TDRD7: variants seen among roughly 807,000 people sequenced by gnomAD.
TDRD7 encodes tudor domain containing 7, also known as tudor domain-containing protein 7.
Under a neutral mutation model 109.8 loss-of-function variants are expected in TDRD7, and 47 were observed. The observed-to-expected ratio is 0.43, with a 90% CI of 0.34 to 0.55. TDRD7 has a LOEUF of 0.55. Ranked by LOEUF, TDRD7 falls within the 20% of genes least tolerant of loss-of-function variation. The probability of loss-of-function intolerance (pLI) is 0.03; values close to 1 mark genes in which losing one functional copy is unlikely to be tolerated. For missense variants in TDRD7, 1,164 were observed against 1,319.2 expected, an observed-to-expected ratio of 0.88 and a Z score of 1.82; for synonymous variants, 424 against 457.3, an observed-to-expected ratio of 0.93 and a Z score of 0.93.
Position 97,460,581 on chromosome 9 carries a change from C to T in TDRD7, c.1259C>T (p.Ala420Val). ...TDKIQKDAGQ[A>V]HGDNDIKAMV... ...AAAATCCAAAAGGATGCAGGGCAAGCACATGGTGATAATGATATCAAGGCT... is the reference window on the plus strand; with the variant it reads ...AAAATCCAAAAGGATGCAGGGCAAGTACATGGTGATAATGATATCAAGGCT... Residue 420 changes from alanine to valine, a missense_variant, in exon 7 of 17, where the codon GCA becomes GTA. By Grantham distance (64) the Ala-to-Val change is moderately conservative. Around this residue, in one of 5 missense-constraint regions of TDRD7, gnomAD observed 407 missense variants for 394.0 expected, o/e 1.03. Transcript: ENST00000355295. 1 of 1,614,170 alleles carries T rather than the reference C, an allele frequency of 6.2e-7. No homozygotes were observed. Among genetic ancestry groups the T allele is most frequent in the East Asian group, 2.2e-5 (1 of 44,872 alleles).
At chr9:97,422,246 T>C (rs371461755) in intron 1 of TDRD7, among the ~76,000 whole-genome samples, 25 of 152,078 alleles carry the variant, frequency 1.6e-4, no homozygotes, top group African/African-American at 5.8e-4. Flanking sequence ...TACAAAAAAA[T>C]TAGCCAGGCA....
intron 7 of TDRD7, among the ~76,000 whole-genome samples, chr9:97,462,175 C>G (rs1469459934): frequency 6.6e-6 from 1 of 152,220 alleles, no homozygotes; most frequent in Non-Finnish European, 1.5e-5. Flanking sequence ...TATAAAGAAA[C>G]TTACACGGCA....
chr9:97,482,960 T>C lies in TDRD7; in HGVS notation c.2524T>C (p.Trp842Arg), dbSNP rs1274740363. ...TCGCCAGATTACAAATGCAGACTTG[T>C]GGAAGCATCAGAAGGATGTGTTTTT... ...INRQITNADLWKHQKDVFLSA... is the reference protein window; with the variant it reads ...INRQITNADLRKHQKDVFLSA... The change falls in exon 15 of 17, where the codon TGG (tryptophan) becomes CGG (arginine). Residue 842 changes from tryptophan (W) to arginine (R), a missense_variant. Physicochemically the swap from Trp to Arg is moderately radical, Grantham distance 101. Coordinates refer to ENST00000355295, the MANE Select transcript of TDRD7 (RefSeq NM_014290.3). 2.5e-6 allele frequency: 4 copies of C among 1,614,088 alleles called. No individual in the cohort carries two copies. Among genetic ancestry groups the C allele is most frequent in the Non-Finnish European group, 3.4e-6 (4 of 1,180,044 alleles).
intron 5 of TDRD7, among the ~76,000 whole-genome samples, chr9:97,440,459 A>G (rs1828283362): frequency 6.6e-6 from 1 of 152,210 alleles, no homozygotes; most frequent in African/African-American, 2.4e-5. Context: ...GAGAAACTTA[A>G]TCTTTTCCTC....
intron 6 of TDRD7, among the ~76,000 whole-genome samples, chr9:97,458,935 A>G (rs996893421): frequency 2.0e-5 from 3 of 152,192 alleles, no homozygotes; most frequent in African/African-American, 7.2e-5. Context: ...GTTCTTTACT[A>G]ATAAGCTACC....
At chr9:97,431,785 G>C (rs957780950) in intron 3 of TDRD7, among the ~76,000 whole-genome samples, 10 of 152,188 alleles carry the variant, frequency 6.6e-5, no homozygotes, top group African/African-American at 2.2e-4. Flanking sequence ...CCACTGAAGT[G>C]TTCAGTTGGT....
chr9:97,470,588 A>G lies in TDRD7; in HGVS notation c.1660A>G (p.Asn554Asp), dbSNP rs766066951. The change falls in exon 9 of 17, where the codon AAT becomes GAT. Residue 554 changes from asparagine (N) to aspartate (D), a missense_variant. Asn to Asp is a conservative substitution (Grantham distance 23). Coordinates refer to ENST00000355295, the MANE Select transcript of TDRD7 (RefSeq NM_014290.3). ...VCYVDYGFSE[N>D]VEKSKAYKLN... ...CTATGTTGACTATGGTTTTAGTGAA[A>G]ATGTTGAAAAAAGCAAAGCATACAA... The G allele has an allele frequency of 6.2e-6, 10 of 1,613,908 alleles. No individual in the cohort carries two copies. The highest frequency in any genetic ancestry group is 1.7e-4 in the Middle Eastern group (1 of 5,994).
intron 1 of TDRD7, 40 bp from the exon 2 acceptor site, chr9:97,428,420 A>G: frequency 6.3e-7 from 1 of 1,583,704 alleles, no homozygotes; most frequent in Non-Finnish European, 8.7e-7. Context: ...TCACAAACGA[A>G]TGAGCCATAT....
chr9:97,493,927 C>G (rs1829347623), intron 16 of TDRD7, among the ~76,000 whole-genome samples: 1 of 152,180 alleles, frequency 6.6e-6, no homozygotes. Flanking sequence ...TTGCTGTTAT[C>G]CTGTTCTTTT....
At chr9:97,470,842 T>C (rs1163470820) in intron 9 of TDRD7, among the ~76,000 whole-genome samples, 173 bp downstream of exon 9, 1 of 152,208 alleles carries the variant, frequency 6.6e-6, no homozygotes, top group African/African-American at 2.4e-5. Flanking sequence ...ATAAAAATGT[T>C]ATGTTTTTAT....
rs370367508 is a variant in TDRD7, at chr9:97,473,657, T to G, written c.2079+31T>G. On this transcript the variant is annotated intron_variant, in intron 11 of 16. Transcript: ENST00000355295. ...GCAGAACCTCTTCTACCTCTAAAAT[T>G]AGCCCTAAAATTACAAGCAAGAGTA... 762 of 1,612,864 alleles carry G rather than the reference T, an allele frequency of 4.7e-4. 1 individual carries two copies. Among genetic ancestry groups the G allele is most frequent in the Non-Finnish European group, 6.1e-4 (723 of 1,179,498 alleles).
intron 1 of TDRD7, among the ~76,000 whole-genome samples, chr9:97,424,331 C>T (rs1455452046): frequency 6.6e-6 from 1 of 152,094 alleles, no homozygotes; most frequent in Non-Finnish European, 1.5e-5. Flanking sequence ...GCTGGGATTA[C>T]AGGTGTGAGC....
At chr9:97,495,007 G>C (rs1481732953) in intron 16 of TDRD7, among the ~76,000 whole-genome samples, 1 of 152,074 alleles carries the variant, frequency 6.6e-6, no homozygotes, top group Admixed American at 6.6e-5. Flanking sequence ...CACTGTGCCC[G>C]GCCAATGTGT....
At chr9:97,490,067 C>T (rs527381772) in intron 16 of TDRD7, among the ~76,000 whole-genome samples, 31 of 152,242 alleles carry the variant, frequency 2.0e-4, no homozygotes, top group African/African-American at 7.2e-4. Flanking sequence ...GAATCAAATA[C>T]ATTGTTGCTA....
At position 97,444,350 on chromosome 9, in the gene TDRD7, T is replaced by C. The variant is rs1483881648; in HGVS notation, c.855+2475T>C. On this transcript the variant is annotated intron_variant, in intron 6 of 16. Coordinates refer to ENST00000355295, the MANE Select transcript of TDRD7 (RefSeq NM_014290.3). ...GGGATGCCAGAAAACACCAATCATA[T>C]TGATGTCTACTGATACCTTTCAAAA... Among the ~76,000 whole-genome samples the C allele has an allele frequency of 2.6e-5, 4 of 152,232 alleles. No individual in the cohort carries two copies. In the East Asian group the frequency reaches 7.7e-4, roughly 29 times the overall value.
intron 1 of TDRD7, among the ~76,000 whole-genome samples, chr9:97,425,882 C>A (rs1394828609): frequency 6.6e-6 from 1 of 152,140 alleles, no homozygotes; most frequent in Non-Finnish European, 1.5e-5. Flanking sequence ...GTAGAACCTA[C>A]CACACAACTG....
Position 97,432,110 on chromosome 9 carries a change from C to G in TDRD7, c.435C>G (p.Asp145Glu). ...GKKPNPAPLR[D>E]KGNSVGVKPD... ...AACCTAATCCAGCACCGTTAAGAGA[C>G]AAAGGAAACTCTGTTGGAGTTAAGC... The change falls in exon 4 of 17, where the codon GAC becomes GAG. Residue 145 changes from aspartate to glutamate, a missense_variant. By Grantham distance (45) the Asp-to-Glu change is conservative. Transcript: ENST00000355295. 6.2e-7 allele frequency: 1 copy of G among 1,613,818 alleles called. No individual in the cohort carries two copies. The highest frequency in any genetic ancestry group is 8.5e-7 in the Non-Finnish European group (1 of 1,179,800).
At chr9:97,415,023 A>T (rs1827789000) in intron 1 of TDRD7, among the ~76,000 whole-genome samples, 1 of 152,188 alleles carries the variant, frequency 6.6e-6, no homozygotes, top group South Asian at 2.1e-4. Flanking sequence ...GTCTTCAAGG[A>T]GAAGGGCAGT....
chr9:97,463,382 T>G (rs1173720570), intron 7 of TDRD7, among the ~76,000 whole-genome samples: 1 of 146,686 alleles, frequency 6.8e-6, no homozygotes, highest in African/African-American at 2.6e-5. Flanking sequence ...TGAGTTTTGT[T>G]TTTTTTTTTT....
Sources: allele counts gnomAD v4.1 joint callset (sites outside exome capture counted in the v4.1 genomes callset), GRCh38; gene constraint gnomAD v4.1.1; regional missense constraint gnomAD v4.1.1; transcripts MANE v1.5; gene names NCBI Gene and HGNC (gene_info 2026-07-23, HGNC 2026-07-21).